The following PPP1R1A variants were observed in gnomAD, a reference collection of about 807,000 sequenced individuals.
PPP1R1A encodes protein phosphatase 1 regulatory subunit 1A.
In PPP1R1A, 18 loss-of-function variants were observed where a neutral mutation model predicts 23.9. The ratio of observed to expected loss-of-function variants is 0.75; its 90% CI spans 0.52 to 1.12. The LOEUF (loss-of-function observed/expected upper bound fraction) is 1.12. Among genes scored for constraint, PPP1R1A ranks in the 50% most tolerant of loss-of-function variants. PPP1R1A has a pLI of 0.00. For missense variants in PPP1R1A, 207 were observed against 223.8 expected, an observed-to-expected ratio of 0.92 and a Z score of 0.48; for synonymous variants, 84 against 80.7, an observed-to-expected ratio of 1.04 and a Z score of -0.22.
chr12:54,586,032 C>T (rs1469826492), intron 1 of PPP1R1A, among the ~76,000 whole-genome samples: 1 of 152,088 alleles, frequency 6.6e-6, no homozygotes, highest in Admixed American at 6.5e-5. Context: ...GGGTGGGGGC[C>T]ATCCTTCAAC....
rs981638128 is a variant in PPP1R1A, at chr12:54,588,367, G to A, written c.84+38C>T. 2.7e-6 allele frequency: 4 copies of A among 1,478,864 alleles called. No homozygotes were observed. In the Admixed American group the frequency reaches 8.9e-5, roughly 33 times the overall value. 91.6% of individuals were successfully genotyped at this position (1,478,864 alleles called of 1,614,324 possible). A position where few individuals can be genotyped will look rare whatever the true frequency, so the allele number is the denominator to read the frequency against. The stretch of plus-strand genomic sequence containing the variant: ...CCAGTCCAGGGGTCCCTCGTCCTTG[G>A]CTGGGCGAGTGCCCTGCCGCCCCGC... On this transcript the variant is annotated intron_variant, in intron 1 of 6. Transcript: ENST00000257905.
Position 54,580,112 on chromosome 12 carries a change from A to C in PPP1R1A, c.*275T>G. The C allele has an allele frequency of 1.6e-6, 2 of 1,226,834 alleles. No individual in the cohort carries two copies. Among genetic ancestry groups the C allele is most frequent in the Non-Finnish European group, 2.1e-6 (2 of 974,644 alleles). The allele number at this position is 1,226,834 out of a possible 1,614,324, so 76.0% of individuals were successfully genotyped here. A position where few individuals can be genotyped will look rare whatever the true frequency, so the allele number is the denominator to read the frequency against. ...CAAGTAAAGTCAGGGCTAAGGGAAGAACTCTTCCCTGCTCAAGGCTTCTGC... is the reference window on the plus strand; with the variant it reads ...CAAGTAAAGTCAGGGCTAAGGGAAGCACTCTTCCCTGCTCAAGGCTTCTGC... On this transcript the variant is annotated 3_prime_UTR_variant, in exon 7 of 7. Coordinates refer to ENST00000257905, the MANE Select transcript of PPP1R1A (RefSeq NM_006741.4).
In PPP1R1A at chr12:54,579,631, A is replaced by G; in HGVS notation, c.*756T>C. 1.0e-6 allele frequency: 1 copy of G among 985,426 alleles called. No homozygotes were observed. The highest frequency in any genetic ancestry group is 1.2e-6 in the Non-Finnish European group (1 of 829,956). 61.0% of individuals were successfully genotyped at this position (985,426 alleles called of 1,614,324 possible). A position where few individuals can be genotyped will look rare whatever the true frequency, so the allele number is the denominator to read the frequency against. Reference sequence around the variant, plus strand: ...GGTTTTGGTCTTATCTGGGCCCCTCAATGTCTAGGACAAGGGAACCCTTCC... The same window carrying G: ...GGTTTTGGTCTTATCTGGGCCCCTCGATGTCTAGGACAAGGGAACCCTTCC... On this transcript the variant is annotated 3_prime_UTR_variant, in exon 7 of 7. Coordinates refer to ENST00000257905, the MANE Select transcript of PPP1R1A (RefSeq NM_006741.4).
Position 54,580,932 on chromosome 12 carries a change from C to T in PPP1R1A, c.510+12G>A, listed in dbSNP as rs773803040. 6.2e-7 allele frequency: 1 copy of T among 1,602,556 alleles called. No homozygotes were observed. Among genetic ancestry groups the T allele is most frequent in the Non-Finnish European group, 8.6e-7 (1 of 1,169,356 alleles). On this transcript the variant is annotated intron_variant, in intron 6 of 6. Coordinates refer to ENST00000257905, the MANE Select transcript of PPP1R1A (RefSeq NM_006741.4). ...TCTCCTATGACCTGGCAGCCCAGCCCTGGGGTCTTACCGAGTTGGCTCCCT... is the reference window on the plus strand; with the variant it reads ...TCTCCTATGACCTGGCAGCCCAGCCTTGGGGTCTTACCGAGTTGGCTCCCT...
chr12:54,580,343 C>T lies in PPP1R1A; in HGVS notation c.*44G>A, dbSNP rs761060684. ...ATAAGAAACAAATCCGGTGTCCATG[C>T]ATTCCCAAACTGCAGTCTTGATCCC... is the stretch of plus-strand genomic sequence containing the variant. On this transcript the variant is annotated 3_prime_UTR_variant, in exon 7 of 7. Coordinates refer to ENST00000257905, the MANE Select transcript of PPP1R1A (RefSeq NM_006741.4). 3.1e-6 allele frequency: 5 copies of T among 1,612,076 alleles called. No homozygotes were observed. Among genetic ancestry groups the T allele is most frequent in the South Asian group, 2.2e-5 (2 of 90,748 alleles).
chr12:54,586,573 G>A (rs1342133755), intron 1 of PPP1R1A, among the ~76,000 whole-genome samples: 1 of 152,208 alleles, frequency 6.6e-6, no homozygotes, highest in Non-Finnish European at 1.5e-5. Context: ...AGGAGCACCT[G>A]CCAAGCCTGG....
chr12:54,586,073 G>A (rs1047631821), intron 1 of PPP1R1A, among the ~76,000 whole-genome samples: 1 of 152,142 alleles, frequency 6.6e-6, no homozygotes, highest in Non-Finnish European at 1.5e-5. Flanking sequence ...TTCCATCCTG[G>A]AGGGGCAGGG....
chr12:54,583,092 A>T (rs150313461), intron 3 of PPP1R1A, 119 bp downstream of exon 3: 6 of 1,066,496 alleles, frequency 5.6e-6, no homozygotes, highest in Non-Finnish European at 8.0e-6. Flanking sequence ...TGGGGGGTAG[A>T]GGTACAGGGA....
chr12:54,581,361 AGACCATTCACTG>A lies in PPP1R1A; in HGVS notation c.404-323_404-312del, dbSNP rs1358381762. The stretch of plus-strand genomic sequence containing the variant: ...TTTTTAGTCTTTATTCTGCTTAGTG[AGACCATTCACTG>A]GATTGCAGAAATATTATGTGTTTGA... On this transcript the variant is annotated intron_variant, in intron 5 of 6. Transcript: ENST00000257905. The surrounding 1 kb of genome is among the most constrained non-coding windows in gnomAD (Gnocchi z 4.1). Among the ~76,000 whole-genome samples, 1 of 152,240 alleles carries A rather than the reference AGACCATTCACTG, an allele frequency of 6.6e-6. No homozygotes were observed. Among genetic ancestry groups the A allele is most frequent in the Non-Finnish European group, 1.5e-5 (1 of 68,038 alleles).
Position 54,583,233 on chromosome 12 carries a change from C to A in PPP1R1A, c.161G>T (p.Arg54Leu). 6.5e-7 allele frequency: 1 copy of A among 1,533,244 alleles called. No individual in the cohort carries two copies. Among genetic ancestry groups the A allele is most frequent in the Non-Finnish European group, 8.7e-7 (1 of 1,145,768 alleles). 95.0% of individuals were successfully genotyped at this position (1,533,244 alleles called of 1,614,324 possible). ...CACCTTGAGATGTGGGTTGGGGATC[C>A]GGTCTTCATCTATCTCTGAAGGGAA... ...DQSSPEIDED[R>L]IPNPHLKSTL... The change falls in exon 3 of 7, where the codon CGG (arginine) becomes CTG (leucine). Residue 54 changes from arginine to leucine, a missense_variant. Coordinates refer to ENST00000257905, the MANE Select transcript of PPP1R1A (RefSeq NM_006741.4).
rs1957858375 is a variant in PPP1R1A, at chr12:54,581,873, C to A, written c.403+103G>T. On this transcript the variant is annotated intron_variant, in intron 5 of 6. Transcript: ENST00000257905. This position sits in a 1 kb window ranked among gnomAD's most constrained non-coding sequence, Gnocchi z 4.1. Reference sequence around the variant, plus strand: ...AGACAGTTTTTGCCTACTACTAGGCCTCTCCCAGGCTCCAACTCTTTCCCC... The same window carrying A: ...AGACAGTTTTTGCCTACTACTAGGCATCTCCCAGGCTCCAACTCTTTCCCC... The A allele has an allele frequency of 7.3e-7, 1 of 1,376,996 alleles. No homozygotes were observed. Among genetic ancestry groups the A allele is most frequent in the Admixed American group, 2.4e-5 (1 of 42,374 alleles). The allele number at this position is 1,376,996 out of a possible 1,614,324, so 85.3% of individuals were successfully genotyped here.
In PPP1R1A at chr12:54,580,158, C is replaced by T. The variant is rs1957841029; in HGVS notation, c.*229G>A. 2 of 1,348,886 alleles carry T rather than the reference C, an allele frequency of 1.5e-6. No individual in the cohort carries two copies. The highest frequency in any genetic ancestry group is 3.1e-5 in the Admixed American group (1 of 32,374). 83.6% of individuals were successfully genotyped at this position (1,348,886 alleles called of 1,614,324 possible). ...TCTGCCTAGCTCCTGTTTCTTCCTTCCCAGAGGCAGCTTGGCAGGAGGGTG... is the reference window on the plus strand; with the variant it reads ...TCTGCCTAGCTCCTGTTTCTTCCTTTCCAGAGGCAGCTTGGCAGGAGGGTG... On this transcript the variant is annotated 3_prime_UTR_variant, in exon 7 of 7. Coordinates refer to ENST00000257905, the MANE Select transcript of PPP1R1A (RefSeq NM_006741.4).
chr12:54,586,690 G>A (rs971181736), intron 1 of PPP1R1A, among the ~76,000 whole-genome samples: 2 of 152,104 alleles, frequency 1.3e-5, no homozygotes, highest in East Asian at 1.9e-4. Flanking sequence ...CCCAAGTCCC[G>A]GCTCTCTTTT....
rs547173566 is a variant in PPP1R1A, at chr12:54,588,610, G to T, written c.-122C>A. The T allele has an allele frequency of 5.6e-5, 20 of 357,732 alleles. No individual in the cohort carries two copies. Among genetic ancestry groups the T allele is most frequent in the Non-Finnish European group, 8.8e-5 (20 of 226,192 alleles). 22.2% of individuals were successfully genotyped at this position (357,732 alleles called of 1,614,324 possible). On this transcript the variant is annotated 5_prime_UTR_variant, in exon 1 of 7. Coordinates refer to ENST00000257905, the MANE Select transcript of PPP1R1A (RefSeq NM_006741.4). The stretch of plus-strand genomic sequence containing the variant: ...GCCCCGGCCCCAGCCCGGCGCGCTC[G>T]GCTCCCGGCTCCCGGCACAGCGCTC...
At chr12:54,586,946 G>A (rs10783632) in intron 1 of PPP1R1A, among the ~76,000 whole-genome samples, 127,257 of 152,172 alleles carry the variant, frequency 0.84, 57,194 homozygotes, top group East Asian at 1. Context: ...CCTGGCTGAT[G>A]CCCTGCCTCC....
Position 54,579,569 on chromosome 12 carries a change from G to C in PPP1R1A, c.*818C>G, listed in dbSNP as rs1957832338. On this transcript the variant is annotated 3_prime_UTR_variant, in exon 7 of 7. Transcript: ENST00000257905. The stretch of plus-strand genomic sequence containing the variant: ...AAAAACAGCAGCAGGAGAGAGGCCT[G>C]GCCGTGAGATCTGAGACAGTTTCTT... 4 of 985,398 alleles carry C rather than the reference G, an allele frequency of 4.1e-6. No homozygotes were observed. The highest frequency in any genetic ancestry group is 4.8e-6 in the Non-Finnish European group (4 of 829,954). The allele number at this position is 985,398 out of a possible 1,614,324, so 61.0% of individuals were successfully genotyped here. A position where few individuals can be genotyped will look rare whatever the true frequency, so the allele number is the denominator to read the frequency against.
intron 3 of PPP1R1A, 38 bp downstream of exon 3, chr12:54,583,173 G>GT: frequency 6.5e-7 from 1 of 1,547,996 alleles, no homozygotes; most frequent in Non-Finnish European, 8.7e-7. Flanking sequence ...GAATGTGGGG[G>GT]TTTTTTGGGC....
intron 4 of PPP1R1A, 132 bp from the exon 5 acceptor site, chr12:54,582,263 G>T: frequency 2.1e-6 from 2 of 939,942 alleles, no homozygotes; most frequent in Admixed American, 3.1e-5. Context: ...CATCCACTGA[G>T]ATCTGAACAA....
At chr12:54,586,094 G>A (rs1337168617) in intron 1 of PPP1R1A, among the ~76,000 whole-genome samples, 1 of 152,164 alleles carries the variant, frequency 6.6e-6, no homozygotes, top group African/African-American at 2.4e-5. Context: ...TGTGGTGGTG[G>A]TAGTAGGAAA....
Sources: allele counts gnomAD v4.1 joint callset (sites outside exome capture counted in the v4.1 genomes callset), GRCh38; gene constraint gnomAD v4.1.1; non-coding constraint Gnocchi (gnomAD v3.1); transcripts MANE v1.5; gene names NCBI Gene and HGNC (gene_info 2026-07-23, HGNC 2026-07-21).